Variants in ACO1 observed in about 807,000 individuals in gnomAD.
ACO1 encodes the protein cytoplasmic aconitate hydratase.
In ACO1, 78 loss-of-function variants were observed where a neutral mutation model predicts 105.1. The ratio of observed to expected loss-of-function variants is 0.74; its 90% CI spans 0.62 to 0.90. ACO1 has a LOEUF of 0.90. Among genes scored for constraint, ACO1 ranks in the 40% least tolerant of loss-of-function variants. The probability of loss-of-function intolerance (pLI) is 0.00; values close to 1 mark genes in which losing one functional copy is unlikely to be tolerated. For missense variants in ACO1, 965 were observed against 1,111.1 expected (o/e 0.87, Z 1.87); for synonymous variants, 364 against 397.4 (o/e 0.92, Z 1.00).
chr9:32,391,216 T>A (rs1821261537), intron 1 of ACO1, among the ~76,000 whole-genome samples: 1 of 152,152 alleles, frequency 6.6e-6, no homozygotes, highest in Non-Finnish European at 1.5e-5. Context: ...TTACCTAAAA[T>A]CTGCAAAGAA....
chr9:32,391,444 C>T (rs76987537), intron 1 of ACO1, among the ~76,000 whole-genome samples: 11,220 of 152,266 alleles, frequency 0.074, 552 homozygotes, highest in Non-Finnish European at 0.11. Flanking sequence ...CTCTCTGAGC[C>T]AGTTGTTCCT....
At chr9:32,402,966 A>G (rs1018050849) in intron 1 of ACO1, among the ~76,000 whole-genome samples, 2 of 152,198 alleles carry the variant, frequency 1.3e-5, no homozygotes, top group Non-Finnish European at 2.9e-5. Flanking sequence ...GACAGGTGAC[A>G]GTGCCTGGCT....
intron 18 of ACO1, among the ~76,000 whole-genome samples, chr9:32,437,017 G>A (rs1822376870): frequency 1.3e-5 from 2 of 152,202 alleles, no homozygotes; most frequent in African/African-American, 2.4e-5. Flanking sequence ...TCTGGTACAT[G>A]TCATAGGTCC....
chr9:32,439,524 A>G lies in ACO1; in HGVS notation c.2248-941A>G, dbSNP rs1822433631. ...TGGTACTGCTCAACCACCAGAGATGATATCATGTCTTTGTAAAGTCTCAGT... is the reference window on the plus strand; with the variant it reads ...TGGTACTGCTCAACCACCAGAGATGGTATCATGTCTTTGTAAAGTCTCAGT... On this transcript the variant is annotated intron_variant, in intron 18 of 20. Transcript: ENST00000309951. This position sits in a 1 kb window ranked among gnomAD's most constrained non-coding sequence, Gnocchi z 4.0. Among the ~76,000 whole-genome samples the G allele has an allele frequency of 6.6e-6, 1 of 152,320 alleles. No homozygotes were observed. The highest frequency in any genetic ancestry group is 2.4e-5 in the African/African-American group (1 of 41,578).
At chr9:32,440,870 T>A (rs1298598600) in intron 19 of ACO1, among the ~76,000 whole-genome samples, 1 of 152,180 alleles carries the variant, frequency 6.6e-6, no homozygotes, top group Admixed American at 6.5e-5. Flanking sequence ...TGAAAACATA[T>A]CCAGAAGTAT....
At chr9:32,444,700 C>T (rs2118570326) in intron 19 of ACO1, among the ~76,000 whole-genome samples, 1 of 152,252 alleles carries the variant, frequency 6.6e-6, no homozygotes. Context: ...TGCCGGTTTT[C>T]AAATGGAATG....
intron 8 of ACO1, 63 bp downstream of exon 8, chr9:32,421,090 TG>T (rs1343956296): frequency 7.1e-6 from 11 of 1,547,024 alleles, no homozygotes; most frequent in Non-Finnish European, 8.0e-6. Flanking sequence ...ACCAAGAATC[TG>T]AGCACTGCCT....
At chr9:32,404,963 C>T (rs1364580238) in intron 1 of ACO1, among the ~76,000 whole-genome samples, 1 of 152,216 alleles carries the variant, frequency 6.6e-6, no homozygotes, top group African/African-American at 2.4e-5. Flanking sequence ...TTTATAAACA[C>T]AGTTACGGTG....
intron 1 of ACO1, among the ~76,000 whole-genome samples, chr9:32,385,157 C>T (rs1821130747): frequency 6.6e-6 from 1 of 152,178 alleles, no homozygotes. Context: ...TCCGGGAATC[C>T]ACTCCAAGGG....
chr9:32,445,689 CT>C, intron 19 of ACO1: 1 of 234,390 alleles, frequency 4.3e-6, no homozygotes, highest in Non-Finnish European at 8.8e-6. Context: ...TTCTCTAGTT[CT>C]TTTAACTGTG....
chr9:32,445,691 T>C (rs561358526), intron 19 of ACO1: 4 of 234,802 alleles, frequency 1.7e-5, no homozygotes, highest in Non-Finnish European at 3.5e-5. Flanking sequence ...CTCTAGTTCT[T>C]TTAACTGTGA....
Position 32,440,576 on chromosome 9 carries a change from C to G in ACO1, c.2359C>G (p.Pro787Ala). 6.2e-7 allele frequency: 1 copy of G among 1,613,862 alleles called. No homozygotes were observed. Among genetic ancestry groups the G allele is most frequent in the South Asian group, 1.1e-5 (1 of 91,056 alleles). ...GSSRDWAAKG[P>A]FLLGIKAVLA... Reference sequence around the variant, plus strand: ...CTCCCGAGACTGGGCAGCTAAGGGCCCTTTCCTGCTGGTGAGTATGAAGTA... The same window carrying G: ...CTCCCGAGACTGGGCAGCTAAGGGCGCTTTCCTGCTGGTGAGTATGAAGTA... Residue 787 changes from proline (P) to alanine (A), a missense_variant, in exon 19 of 21, where the codon CCT becomes GCT. Coordinates refer to ENST00000309951, the MANE Select transcript of ACO1 (RefSeq NM_002197.3).
chr9:32,448,966 T>G lies in ACO1; in HGVS notation c.2441T>G (p.Ile814Ser). 6.2e-7 allele frequency: 1 copy of G among 1,614,150 alleles called. No individual in the cohort carries two copies. The highest frequency in any genetic ancestry group is 8.5e-7 in the Non-Finnish European group (1 of 1,180,034). Residue 814 changes from isoleucine to serine, a missense_variant, in exon 20 of 21, where the codon ATC becomes AGC. Coordinates refer to ENST00000309951, the MANE Select transcript of ACO1 (RefSeq NM_002197.3). Reference sequence around the variant, plus strand: ...AGTAACCTGGTTGGGATGGGTGTGATCCCACTTGAATATCTCCCTGGTGAG... The same window carrying G: ...AGTAACCTGGTTGGGATGGGTGTGAGCCCACTTGAATATCTCCCTGGTGAG... ...HRSNLVGMGV[I>S]PLEYLPGENA...
chr9:32,436,207 G>T (rs776393886), intron 17 of ACO1, 43 bp from the exon 18 acceptor site: 1 of 1,612,458 alleles, frequency 6.2e-7, no homozygotes. Context: ...GTTAATCTTT[G>T]CTTGCTTCAC....
At chr9:32,433,583 G>A in intron 15 of ACO1, 145 bp from the exon 16 acceptor site, 1 of 618,362 alleles carries the variant, frequency 1.6e-6, no homozygotes, top group Non-Finnish European at 2.8e-6. Context: ...CCCACTATTA[G>A]TATAAAGGAA....
rs778911706 is a variant in ACO1, at chr9:32,420,874, G to T, written c.817G>T (p.Val273Leu). The change falls in exon 8 of 21, where the codon GTA (valine) becomes TTA (leucine). Residue 273 changes from valine (V) to leucine (L), a missense_variant. Coordinates refer to ENST00000309951, the MANE Select transcript of ACO1 (RefSeq NM_002197.3). ...TITKHLRQVG[V>L]VGKFVEFFGP... ...TGCTTAGCACCTCCGCCAGGTTGGG[G>T]TAGTGGGCAAATTTGTCGAGTTCTT... 4 of 1,613,812 alleles carry T rather than the reference G, an allele frequency of 2.5e-6. No homozygotes were observed. The highest frequency in any genetic ancestry group is 1.7e-5 in the Admixed American group (1 of 60,008).
chr9:32,431,199 T>G (rs1822227201), intron 14 of ACO1, among the ~76,000 whole-genome samples: 1 of 152,280 alleles, frequency 6.6e-6, no homozygotes, highest in East Asian at 1.9e-4. Context: ...GGTGAAAACT[T>G]TATATCATTC....
chr9:32,424,420 G>C, intron 9 of ACO1, 129 bp from the exon 10 acceptor site: 1 of 662,294 alleles, frequency 1.5e-6, no homozygotes. Flanking sequence ...TGGCTTCCTT[G>C]TTTTGGAATG....
rs1405756062 is a variant in ACO1 at position 32,424,621 on chromosome 9, G to A, written c.1144G>A (p.Val382Met). The stretch of plus-strand genomic sequence containing the variant: ...CAAAAGGCCTCAGGACAAAGTTGCT[G>A]TGTCCGACATGAAAAAGGACTTTGA... ...GPKRPQDKVAVSDMKKDFESC... is the reference protein window; with the variant it reads ...GPKRPQDKVAMSDMKKDFESC... The change falls in exon 10 of 21, where the codon GTG becomes ATG. Residue 382 changes from valine to methionine, a missense_variant. Val to Met is a conservative substitution (Grantham distance 21). Coordinates refer to ENST00000309951, the MANE Select transcript of ACO1 (RefSeq NM_002197.3). 6 of 1,614,136 alleles carry A rather than the reference G, an allele frequency of 3.7e-6. No homozygotes were observed. Among genetic ancestry groups the A allele is most frequent in the Non-Finnish European group, 5.1e-6 (6 of 1,180,006 alleles).
Sources: gnomAD v4.1 joint callset for allele counts (sites outside exome capture counted in the v4.1 genomes callset) on GRCh38, gnomAD v4.1.1 for gene constraint, Gnocchi (gnomAD v3.1) non-coding constraint, MANE v1.5 for transcripts, NCBI Gene and HGNC (gene_info 2026-07-23, HGNC 2026-07-21) for gene names.